The following ABTB2 variants were observed in gnomAD, a reference collection of about 807,000 sequenced individuals.
The protein encoded by ABTB2 is ankyrin repeat and BTB/POZ domain-containing protein 2.
In ABTB2, 56 loss-of-function variants were observed where a neutral mutation model predicts 104.1. The ratio of observed to expected loss-of-function variants is 0.54; its 90% CI spans 0.43 to 0.67. The LOEUF is 0.67. Ranked by LOEUF, ABTB2 falls within the 30% of genes least tolerant of loss-of-function variation. The pLI is 0.00. For synonymous variants in ABTB2, 606 were observed against 608.2 expected (o/e 1.00, Z 0.05); for missense variants, 1,279 against 1,407.7 (o/e 0.91, Z 1.46).
At chr11:34,351,842 T>C (rs1055067027) in intron 1 of ABTB2, among the ~76,000 whole-genome samples, 9 of 151,530 alleles carry the variant, frequency 5.9e-5, no homozygotes, top group African/African-American at 7.3e-5. Context: ...GCTGGGGGAG[T>C]CAGGTAGAGC....
In ABTB2 at chr11:34,322,588, A is replaced by T. The variant is rs150695789; in HGVS notation, c.883+34113T>A. 1.7e-3 allele frequency among the ~76,000 whole-genome samples: 263 copies of T among 152,122 alleles called. 2 individuals are homozygous for T. The highest frequency in any genetic ancestry group is 5.8e-3 in the African/African-American group (241 of 41,538). Reference sequence around the variant, plus strand: ...AGACTCCATCTCAAATAAATAAATAAATAAATATATAAATAAAATAATAAG... The same window carrying T: ...AGACTCCATCTCAAATAAATAAATATATAAATATATAAATAAAATAATAAG... On this transcript the variant is annotated intron_variant, in intron 1 of 16. Coordinates refer to ENST00000435224, the MANE Select transcript of ABTB2 (RefSeq NM_145804.3).
Position 34,357,198 on chromosome 11 carries a change from G to A in ABTB2, c.386C>T (p.Ala129Val), listed in dbSNP as rs1045400957. 14 of 1,508,336 alleles carry A rather than the reference G, an allele frequency of 9.3e-6. No individual in the cohort carries two copies. The African/African-American group carries it at 2.0e-4, about 21-fold the overall frequency. 93.4% of individuals were successfully genotyped at this position (1,508,336 alleles called of 1,614,324 possible). Reference protein sequence around the residue: ...QFSAEAVRRLAGLLRRALIRV... With the variant: ...QFSAEAVRRLVGLLRRALIRV... ...GATCAGTGCCCTGCGGAGCAGCCCG[G>A]CCAGGCGCCTCACCGCCTCGGCGGA... is the stretch of plus-strand genomic sequence containing the variant. The change falls in exon 1 of 17, where the codon GCC (alanine) becomes GTC (valine). Residue 129 changes from alanine to valine, a missense_variant. Ala to Val is a moderately conservative substitution (Grantham distance 64, BLOSUM62 0). Coordinates refer to ENST00000435224, the MANE Select transcript of ABTB2 (RefSeq NM_145804.3).
At chr11:34,349,061 T>A (rs925611526) in intron 1 of ABTB2, among the ~76,000 whole-genome samples, 8 of 152,196 alleles carry the variant, frequency 5.3e-5, no homozygotes, top group African/African-American at 1.9e-4. Flanking sequence ...CAATCCTGCA[T>A]GCAGCTCCAA....
intron 16 of ABTB2, among the ~76,000 whole-genome samples, chr11:34,152,953 A>G (rs1852568443): frequency 6.6e-6 from 1 of 152,188 alleles, no homozygotes; most frequent in Admixed American, 6.5e-5. Context: ...TTCACTCAAC[A>G]CATATCAAGG....
chr11:34,355,980 G>A (rs563559222), intron 1 of ABTB2, among the ~76,000 whole-genome samples: 1 of 152,298 alleles, frequency 6.6e-6, no homozygotes, highest in Admixed American at 6.5e-5. Flanking sequence ...TACAATGCAA[G>A]GTTTTAACCA....
At chr11:34,337,604 C>T (rs760442833) in intron 1 of ABTB2, among the ~76,000 whole-genome samples, 16 of 152,138 alleles carry the variant, frequency 1.1e-4, no homozygotes, top group Admixed American at 2.0e-4. Context: ...TGGGTGACCT[C>T]GAGCAAGTCA....
chr11:34,288,064 A>G (rs1481990017), intron 1 of ABTB2, among the ~76,000 whole-genome samples: 1 of 151,804 alleles, frequency 6.6e-6, no homozygotes, highest in Non-Finnish European at 1.5e-5. Flanking sequence ...ATCCATGAAA[A>G]TTTTCTCTAG....
chr11:34,245,901 G>T (rs1853978072), intron 1 of ABTB2, among the ~76,000 whole-genome samples: 2 of 152,212 alleles, frequency 1.3e-5, no homozygotes, highest in Non-Finnish European at 2.9e-5. Flanking sequence ...GGTAAACTGA[G>T]TAATAAACCC....
chr11:34,239,213 A>G (rs995987332), intron 1 of ABTB2, among the ~76,000 whole-genome samples: 9 of 152,152 alleles, frequency 5.9e-5, no homozygotes, highest in African/African-American at 2.2e-4. Flanking sequence ...CTCTGAGTGG[A>G]TGATTCACTG....
In ABTB2 at chr11:34,173,136, C is replaced by G; in HGVS notation, c.1397+19G>C. The G allele has an allele frequency of 6.2e-7, 1 of 1,613,480 alleles. No individual in the cohort carries two copies. The highest frequency in any genetic ancestry group is 8.5e-7 in the Non-Finnish European group (1 of 1,179,900). On this transcript the variant is annotated intron_variant, in intron 4 of 16. Coordinates refer to ENST00000435224, the MANE Select transcript of ABTB2 (RefSeq NM_145804.3). Reference sequence around the variant, plus strand: ...GCAGGTCATGGATGCCGGGGCCCTCCCTCCTCCCTGGTTCATACTTGAGCT... The same window carrying G: ...GCAGGTCATGGATGCCGGGGCCCTCGCTCCTCCCTGGTTCATACTTGAGCT...
intron 1 of ABTB2, among the ~76,000 whole-genome samples, chr11:34,313,097 A>G (rs1237715866): frequency 6.6e-6 from 1 of 152,252 alleles, no homozygotes; most frequent in Admixed American, 6.5e-5. Flanking sequence ...ATGGTCCAGG[A>G]ACTGAAAGAG....
chr11:34,204,478 C>A lies in ABTB2; in HGVS notation c.1030+66G>T. On this transcript the variant is annotated intron_variant, in intron 2 of 16. Coordinates refer to ENST00000435224, the MANE Select transcript of ABTB2 (RefSeq NM_145804.3). ...AGGAGGAGGAGGCGAGCTCTCCCTG[C>A]CTTCCCCCAGCCCTGAGACCTCGCC... 1 of 1,488,744 alleles carries A rather than the reference C, an allele frequency of 6.7e-7. No homozygotes were observed. The highest frequency in any genetic ancestry group is 8.9e-7 in the Non-Finnish European group (1 of 1,122,600). The allele number at this position is 1,488,744 out of a possible 1,614,324, so 92.2% of individuals were successfully genotyped here.
intron 1 of ABTB2, among the ~76,000 whole-genome samples, chr11:34,350,676 A>G (rs183187931): frequency 6.6e-6 from 1 of 152,328 alleles, no homozygotes; most frequent in East Asian, 1.9e-4. Flanking sequence ...GGCCTAACAA[A>G]TGTAAAGTGT....
chr11:34,159,772 C>A, intron 13 of ABTB2, 134 bp downstream of exon 13: 1 of 726,718 alleles, frequency 1.4e-6, no homozygotes, highest in Non-Finnish European at 2.3e-6. Flanking sequence ...TGGGGCTCTG[C>A]TGCAATGTGA....
At chr11:34,262,867 C>T (rs151117708) in intron 1 of ABTB2, among the ~76,000 whole-genome samples, 3 of 152,258 alleles carry the variant, frequency 2.0e-5, no homozygotes, top group East Asian at 1.9e-4. Context: ...CCCAGCACTG[C>T]GCTCTACTTT....
chr11:34,170,023 T>G (rs926451197), intron 5 of ABTB2, among the ~76,000 whole-genome samples: 2 of 152,214 alleles, frequency 1.3e-5, no homozygotes, highest in Non-Finnish European at 2.9e-5. Context: ...CCATGCTCTG[T>G]GTGGCCTTCC....
rs532106739 is a variant in ABTB2, at chr11:34,193,668, G to C, written c.1244+3657C>G. Among the ~76,000 whole-genome samples, 34 of 152,358 alleles carry C rather than the reference G, an allele frequency of 2.2e-4. 1 individual carries two copies. Among genetic ancestry groups the C allele is most frequent in the African/African-American group, 7.5e-4 (31 of 41,584 alleles). ...TAGGTAGAAATGGGCTTTAAAAGAA[G>C]GGCGTATGTTATCTGACTTTGTCCT... On this transcript the variant is annotated intron_variant, in intron 3 of 16. Transcript: ENST00000435224.
At chr11:34,303,804 A>C (rs1854740009) in intron 1 of ABTB2, among the ~76,000 whole-genome samples, 1 of 151,842 alleles carries the variant, frequency 6.6e-6, no homozygotes. Flanking sequence ...CTCCTCGCCC[A>C]GCTAATTTTT....
intron 1 of ABTB2, among the ~76,000 whole-genome samples, chr11:34,239,487 A>G (rs1309021157): frequency 6.6e-6 from 1 of 151,992 alleles, no homozygotes; most frequent in Non-Finnish European, 1.5e-5. Context: ...TGCGCCCCCA[A>G]GCCCCAGCTA....
Sources: gnomAD v4.1 joint callset for allele counts (sites outside exome capture counted in the v4.1 genomes callset) on GRCh38, gnomAD v4.1.1 for gene constraint, MANE v1.5 for transcripts, NCBI Gene and HGNC (gene_info 2026-07-23, HGNC 2026-07-21) for gene names.